Variants in TLL2 observed in about 807,000 individuals in gnomAD.
TLL2 encodes the protein tolloid-like protein 2.
A neutral mutation model predicts 123.0 loss-of-function variants in TLL2; 106 were observed. The ratio of observed to expected loss-of-function variants is 0.86; its 90% CI spans 0.74 to 1.01. The LOEUF (loss-of-function observed/expected upper bound fraction) is 1.01, where lower values mean the gene tolerates loss of function less well. Ranked by LOEUF, TLL2 falls within the 50% of genes least tolerant of loss-of-function variation. The probability of loss-of-function intolerance (pLI) is 0.00; values close to 1 mark genes in which losing one functional copy is unlikely to be tolerated. For synonymous variants in TLL2, 494 were observed against 516.8 expected (o/e 0.96, Z 0.60); for missense variants, 1,332 against 1,336.7 (o/e 1.00, Z 0.06).
At chr10:96,475,033 T>C (rs1847223845) in intron 2 of TLL2, among the ~76,000 whole-genome samples, 1 of 152,156 alleles carries the variant, frequency 6.6e-6, no homozygotes, top group Non-Finnish European at 1.5e-5. Flanking sequence ...CATCTCAAGA[T>C]CCTTAACTAA....
chr10:96,370,322 C>T lies in TLL2; in HGVS notation c.2663-7G>A. 6.4e-7 allele frequency: 1 copy of T among 1,556,216 alleles called. No homozygotes were observed. Among genetic ancestry groups the T allele is most frequent in the South Asian group, 1.2e-5 (1 of 81,464 alleles). ...TTCAGCCTGCCCCCGCACTCTGGAG[C>T]AGAGAGAAGTGAGATGTCCCCTCAG... On this transcript the variant is annotated splice_polypyrimidine_tract_variant and splice_region_variant and intron_variant, in intron 19 of 20. Coordinates refer to ENST00000357947, the MANE Select transcript of TLL2 (RefSeq NM_012465.4).
At chr10:96,458,976 C>G (rs1442974299) in intron 2 of TLL2, among the ~76,000 whole-genome samples, 1 of 151,910 alleles carries the variant, frequency 6.6e-6, no homozygotes, top group African/African-American at 2.4e-5. Context: ...AAAAGAGAGC[C>G]CAATCAGAGT....
At chr10:96,468,307 G>A (rs755858573) in intron 2 of TLL2, among the ~76,000 whole-genome samples, 4 of 152,092 alleles carry the variant, frequency 2.6e-5, no homozygotes, top group Non-Finnish European at 4.4e-5. Flanking sequence ...GGTAGCTGCC[G>A]GAGGCATTCA....
chr10:96,420,130 TA>T (rs1846604849), intron 7 of TLL2, among the ~76,000 whole-genome samples: 1 of 152,138 alleles, frequency 6.6e-6, no homozygotes, highest in African/African-American at 2.4e-5. Context: ...ACTAAATAAA[TA>T]AACAAGCAAA....
intron 10 of TLL2, among the ~76,000 whole-genome samples, chr10:96,400,639 A>ACACTGATC (rs1290340132): frequency 2.0e-5 from 3 of 152,214 alleles, no homozygotes; most frequent in African/African-American, 7.2e-5. Context: ...GGGCCACACG[A>ACACTGATC]CACTGATCGG....
At chr10:96,468,720 C>T (rs1847151775) in intron 2 of TLL2, among the ~76,000 whole-genome samples, 1 of 152,228 alleles carries the variant, frequency 6.6e-6, no homozygotes, top group Admixed American at 6.5e-5. Context: ...GATGGACACT[C>T]AAGAGGAGGC....
At chr10:96,403,004 C>T (rs1846410217) in intron 10 of TLL2, among the ~76,000 whole-genome samples, 2 of 152,216 alleles carry the variant, frequency 1.3e-5, no homozygotes, top group Admixed American at 1.3e-4. Context: ...TTTCTGCTCA[C>T]ATGAATATGT....
chr10:96,476,240 A>ATTTTTTTTTTTTTTTTT (rs1554939630), intron 2 of TLL2, among the ~76,000 whole-genome samples: 3 of 20,500 alleles, frequency 1.5e-4, no homozygotes, highest in African/African-American at 3.5e-4. Context: ...ATATATATAT[A>ATTTTTTTTTTTTTTTTT]TTTTATTTTT....
intron 13 of TLL2, among the ~76,000 whole-genome samples, chr10:96,389,028 C>A (rs1460599388): frequency 6.6e-6 from 1 of 152,202 alleles, no homozygotes; most frequent in Admixed American, 6.5e-5. Flanking sequence ...TGTGCAGTTA[C>A]TTTTTTTATC....
intron 5 of TLL2, among the ~76,000 whole-genome samples, chr10:96,424,919 T>C (rs76707856): frequency 0.024 from 3,721 of 152,030 alleles, 135 homozygotes; most frequent in African/African-American, 0.084. Flanking sequence ...CGATTTTTTC[T>C]TTCTTTCTTC....
intron 2 of TLL2, among the ~76,000 whole-genome samples, chr10:96,467,491 C>A (rs915132494): frequency 6.6e-6 from 1 of 152,182 alleles, no homozygotes; most frequent in African/African-American, 2.4e-5. Flanking sequence ...CCTCAGCCTC[C>A]CAAAGTGCTG....
At chr10:96,488,708 A>G (rs1054101874) in intron 1 of TLL2, among the ~76,000 whole-genome samples, 2 of 152,162 alleles carry the variant, frequency 1.3e-5, no homozygotes, top group Non-Finnish European at 2.9e-5. Context: ...TTCCATAGAC[A>G]GCAGCATGTT....
At chr10:96,471,311 G>T (rs1170346568) in intron 2 of TLL2, among the ~76,000 whole-genome samples, 1 of 152,122 alleles carries the variant, frequency 6.6e-6, no homozygotes, top group Admixed American at 6.5e-5. Context: ...GGCCACTTGG[G>T]AAGTCTTTAT....
intron 3 of TLL2, among the ~76,000 whole-genome samples, chr10:96,439,899 C>T (rs868336816): frequency 1.2e-4 from 19 of 152,232 alleles, no homozygotes; most frequent in East Asian, 3.9e-4. Context: ...TCTCCCTGTA[C>T]GAGCCAACTT....
chr10:96,513,484 C>A, intron 1 of TLL2, 27 bp downstream of exon 1: 1 of 1,611,114 alleles, frequency 6.2e-7, no homozygotes, highest in Non-Finnish European at 8.5e-7. Flanking sequence ...CAAACTTCTG[C>A]GGGACTTCCC....
intron 10 of TLL2, among the ~76,000 whole-genome samples, chr10:96,399,035 C>A (rs981827206): frequency 6.6e-6 from 1 of 151,898 alleles, no homozygotes; most frequent in African/African-American, 2.4e-5. Context: ...CCATGCCCAG[C>A]TAATTTTTTA....
At chr10:96,381,014 C>T (rs962627687) in intron 16 of TLL2, among the ~76,000 whole-genome samples, 1 of 152,072 alleles carries the variant, frequency 6.6e-6, no homozygotes, top group African/African-American at 2.4e-5. Flanking sequence ...GAGATGAAGC[C>T]GCCCAACACC....
chr10:96,372,074 G>A (rs1247857264), intron 19 of TLL2, among the ~76,000 whole-genome samples: 1 of 152,036 alleles, frequency 6.6e-6, no homozygotes, highest in East Asian at 1.9e-4. Flanking sequence ...CTCTGAATGT[G>A]CCCCCACTTC....
rs1846009470 is a variant in TLL2, at chr10:96,364,950, T to A, written c.*3138A>T. 1 of 152,230 alleles carries A rather than the reference T, an allele frequency of 6.6e-6. No individual in the cohort carries two copies. Among genetic ancestry groups the A allele is most frequent in the African/African-American group, 2.4e-5 (1 of 41,444 alleles). The allele number at this position is 152,230 out of a possible 1,614,324, so 9.4% of individuals were successfully genotyped here. A position where few individuals can be genotyped will look rare whatever the true frequency, so the allele number is the denominator to read the frequency against. Reference sequence around the variant, plus strand: ...GAAAATCTCAATGTGAATTTGCTAGTTAGCAGGATTTTACAAATTATTTAA... The same window carrying A: ...GAAAATCTCAATGTGAATTTGCTAGATAGCAGGATTTTACAAATTATTTAA... On this transcript the variant is annotated 3_prime_UTR_variant, in exon 21 of 21. Coordinates refer to ENST00000357947, the MANE Select transcript of TLL2 (RefSeq NM_012465.4).
Sources: allele counts gnomAD v4.1 joint callset (sites outside exome capture counted in the v4.1 genomes callset), GRCh38; gene constraint gnomAD v4.1.1; transcripts MANE v1.5; gene names NCBI Gene and HGNC (gene_info 2026-07-23, HGNC 2026-07-21).